Variants in CLASP1 observed in about 807,000 individuals in gnomAD.
The protein encoded by CLASP1 is CLIP-associating protein 1.
A neutral mutation model predicts 192.3 loss-of-function variants in CLASP1; 38 were observed. The ratio of observed to expected loss-of-function variants is 0.20; its 90% CI spans 0.15 to 0.26. The LOEUF (loss-of-function observed/expected upper bound fraction) is 0.26, where lower values mean the gene tolerates loss of function less well. Ranked by LOEUF, CLASP1 falls within the 10% of genes least tolerant of loss-of-function variation. The pLI is 1.00. For synonymous variants in CLASP1, 691 were observed against 712.8 expected, an observed-to-expected ratio of 0.97 and a Z score of 0.49; for missense variants, 1,433 against 1,932.5, an observed-to-expected ratio of 0.74 and a Z score of 4.85.
At chr2:121,425,639 G>C (rs2080255961) in intron 21 of CLASP1, among the ~76,000 whole-genome samples, 1 of 152,104 alleles carries the variant, frequency 6.6e-6, no homozygotes, top group Non-Finnish European at 1.5e-5. Context: ...GTCACTGCTA[G>C]AAGAGCAGAA....
intron 23 of CLASP1, among the ~76,000 whole-genome samples, chr2:121,416,223 C>T (rs2078547952): frequency 6.6e-6 from 1 of 152,104 alleles, no homozygotes; most frequent in Non-Finnish European, 1.5e-5. Context: ...AAGTTAACAC[C>T]CAACACTGGA....
chr2:121,608,617 A>G (rs751031807), intron 1 of CLASP1, among the ~76,000 whole-genome samples: 42 of 152,288 alleles, frequency 2.8e-4, no homozygotes, highest in Non-Finnish European at 5.6e-4. Context: ...TCGTCATCCG[A>G]CTGCAGTTAT....
intron 6 of CLASP1, among the ~76,000 whole-genome samples, chr2:121,524,337 A>C (rs563206780): frequency 6.6e-6 from 1 of 152,344 alleles, no homozygotes; most frequent in Admixed American, 6.5e-5. Flanking sequence ...ACGATAATCT[A>C]TTTGGTAACT....
intron 1 of CLASP1, 53 bp downstream of exon 1, chr2:121,649,319 A>C (rs370062561): frequency 1.3e-5 from 2 of 152,166 alleles, no homozygotes; most frequent in Non-Finnish European, 2.9e-5. Context: ...GGGAGGGGCC[A>C]GGGCCGCGAG....
chr2:121,436,656 C>A (rs2082362850), intron 19 of CLASP1, among the ~76,000 whole-genome samples: 1 of 152,070 alleles, frequency 6.6e-6, no homozygotes, highest in Admixed American at 6.6e-5. Flanking sequence ...AGTGATCCAC[C>A]CACCTCAGCC....
intron 8 of CLASP1, among the ~76,000 whole-genome samples, chr2:121,478,963 CCACACACACCA>C (rs1559369917): frequency 0.016 from 787 of 50,020 alleles, no homozygotes; most frequent in East Asian, 0.029. Flanking sequence ...CACACACACA[CCACACACACCA>C]CACACACACC....
intron 2 of CLASP1, among the ~76,000 whole-genome samples, chr2:121,580,767 A>AT (rs1004158847): frequency 5.3e-5 from 8 of 152,020 alleles, no homozygotes; most frequent in African/African-American, 1.9e-4. Context: ...TCATGCACAT[A>AT]TTTTTTTTCT....
chr2:121,531,068 T>A, intron 2 of CLASP1: 5 of 691,644 alleles, frequency 7.2e-6, no homozygotes, highest in South Asian at 6.0e-5. Context: ...AATAAACTAG[T>A]ACTTTGTGGT....
At chr2:121,479,889 T>C (rs2092446385) in intron 8 of CLASP1, among the ~76,000 whole-genome samples, 1 of 152,202 alleles carries the variant, frequency 6.6e-6, no homozygotes, top group Non-Finnish European at 1.5e-5. Flanking sequence ...GCTGGAAATG[T>C]TGGCATTTTT....
intron 32 of CLASP1, among the ~76,000 whole-genome samples, chr2:121,383,999 T>C (rs2149360548): frequency 7.2e-6 from 1 of 137,942 alleles, no homozygotes. Context: ...GAGATATATA[T>C]ATATATATAC....
chr2:121,374,460 G>A (rs557975500), intron 34 of CLASP1, among the ~76,000 whole-genome samples: 1 of 152,220 alleles, frequency 6.6e-6, no homozygotes, highest in Non-Finnish European at 1.5e-5. Context: ...TCCCCACTGG[G>A]GCACTGCCTA....
At chr2:121,511,004 G>A (rs1420422383) in intron 7 of CLASP1, among the ~76,000 whole-genome samples, 3 of 152,048 alleles carry the variant, frequency 2.0e-5, no homozygotes, top group African/African-American at 7.2e-5. Flanking sequence ...GCCAGTTCAG[G>A]CTGAAACAGG....
chr2:121,582,024 G>A (rs577615456), intron 2 of CLASP1, among the ~76,000 whole-genome samples: 19 of 152,064 alleles, frequency 1.2e-4, no homozygotes, highest in African/African-American at 4.3e-4. Context: ...TTAGCCAGGT[G>A]TGGTGGCAGG....
intron 23 of CLASP1, among the ~76,000 whole-genome samples, chr2:121,418,233 A>T (rs2078933942): frequency 6.6e-6 from 1 of 152,272 alleles, no homozygotes; most frequent in African/African-American, 2.4e-5. Context: ...ATATAGACTG[A>T]TCTGTAGTAA....
At chr2:121,555,664 G>A (rs1255607621) in intron 2 of CLASP1, among the ~76,000 whole-genome samples, 1 of 152,082 alleles carries the variant, frequency 6.6e-6, no homozygotes, top group East Asian at 1.9e-4. Flanking sequence ...CCCACTCAAG[G>A]TCTACTCTTA....
intron 3 of CLASP1, among the ~76,000 whole-genome samples, chr2:121,529,537 C>T (rs934763): frequency 0.25 from 38,329 of 152,038 alleles, 7,694 homozygotes; most frequent in African/African-American, 0.56. Context: ...CAACGTAAAA[C>T]AGAGAAATTC....
At position 121,389,270 on chromosome 2, in the gene CLASP1, T is replaced by G. The variant is rs1335961488; in HGVS notation, c.3124-1364A>C. Reference sequence around the variant, plus strand: ...AATTAAATAAGTGGTCATAATATTTTTATGACATGGGCAAAAAGCATTATT... The same window carrying G: ...AATTAAATAAGTGGTCATAATATTTGTATGACATGGGCAAAAAGCATTATT... On this transcript the variant is annotated intron_variant, in intron 30 of 39. Transcript: ENST00000263710. Among the ~76,000 whole-genome samples the G allele has an allele frequency of 8.5e-5, 13 of 152,312 alleles. 1 individual carries two copies. The highest frequency in any genetic ancestry group is 3.3e-4 in the Admixed American group (5 of 15,306).
At position 121,483,552 on chromosome 2, in the gene CLASP1, G is replaced by A. The variant is rs1018095208; in HGVS notation, c.713-13592C>T. ...TATATATATGTATGTATATATGTGT[G>A]TGTATATATATGTATGTATATATAT... On this transcript the variant is annotated intron_variant, in intron 8 of 39. Coordinates refer to ENST00000263710, the Ensembl canonical transcript of CLASP1. Among the ~76,000 whole-genome samples the A allele has an allele frequency of 6.6e-5, 10 of 151,022 alleles. No individual in the cohort carries two copies. In the East Asian group the frequency reaches 1.5e-3, roughly 23 times the overall value.
chr2:121,470,377 G>C, intron 8 of CLASP1: 1 of 456,954 alleles, frequency 2.2e-6, no homozygotes, highest in Admixed American at 2.8e-5. Context: ...AAGGTGCTAG[G>C]ATGACAGGCA....
Sources: gnomAD v4.1 joint callset for allele counts (sites outside exome capture counted in the v4.1 genomes callset) on GRCh38, gnomAD v4.1.1 for gene constraint, MANE v1.5 for transcripts, NCBI Gene and HGNC (gene_info 2026-07-23, HGNC 2026-07-21) for gene names.